SLC27A2: variants seen among roughly 807,000 people sequenced by gnomAD.
SLC27A2 encodes the protein long-chain fatty acid transport protein 2.
SLC27A2 carries 54 observed loss-of-function variants against 60.0 expected under a neutral mutation model. The ratio of observed to expected loss-of-function variants is 0.90; its 90% CI spans 0.72 to 1.13. SLC27A2 has a LOEUF of 1.13. SLC27A2 is among the 50% of genes most tolerant of loss of function. The pLI, the probability that SLC27A2 is intolerant of heterozygous loss-of-function variation, is 0.00. For synonymous variants in SLC27A2, 297 were observed against 297.6 expected (o/e 1.00, Z 0.02); for missense variants, 739 against 777.6 (o/e 0.95, Z 0.59).
intron 1 of SLC27A2, among the ~76,000 whole-genome samples, chr15:50,186,214 G>A (rs539542199): frequency 1.3e-5 from 2 of 152,014 alleles, no homozygotes; most frequent in African/African-American, 2.4e-5. Context: ...ACTACACTCC[G>A]GCCTGGGTGA....
intron 4 of SLC27A2, among the ~76,000 whole-genome samples, chr15:50,208,509 C>T (rs1290125330): frequency 6.6e-6 from 1 of 152,196 alleles, no homozygotes; most frequent in Non-Finnish European, 1.5e-5. Flanking sequence ...TATATATAAA[C>T]CACATAGTAG....
intron 4 of SLC27A2, among the ~76,000 whole-genome samples, chr15:50,220,237 G>T (rs2045233127): frequency 1.3e-5 from 2 of 152,184 alleles, no homozygotes; most frequent in African/African-American, 4.8e-5. Context: ...ACACACCCAG[G>T]GTGCCTGCGG....
chr15:50,235,547 C>T (rs2045345520), intron 9 of SLC27A2, among the ~76,000 whole-genome samples: 2 of 152,146 alleles, frequency 1.3e-5, no homozygotes, highest in African/African-American at 4.8e-5. Flanking sequence ...AATGGAGATC[C>T]TGCAAACAGA....
In SLC27A2 at chr15:50,182,705, G is replaced by C. The variant is rs751678896; in HGVS notation, c.278G>C (p.Arg93Pro). 42 of 1,613,602 alleles carry C rather than the reference G, an allele frequency of 2.6e-5. No homozygotes were observed. Among genetic ancestry groups the C allele is most frequent in the Non-Finnish European group, 3.3e-5 (39 of 1,179,908 alleles). The change falls in exon 1 of 10, where the codon CGG becomes CCG. Residue 93 changes from arginine (R) to proline (P), a missense_variant. Coordinates refer to ENST00000267842, the MANE Select transcript of SLC27A2 (RefSeq NM_003645.4). The part of the protein sequence containing the change: ...QVDRRSNQVA[R>P]ALHDHLGLRQ... ...GACCGGCGCAGCAATCAAGTGGCCC[G>C]GGCGCTGCACGACCACCTCGGCCTG... is the stretch of plus-strand genomic sequence containing the variant.
At chr15:50,216,610 G>GTATATATATATA (rs59683706) in intron 4 of SLC27A2, among the ~76,000 whole-genome samples, 1 of 66,492 alleles carries the variant, frequency 1.5e-5, no homozygotes, top group African/African-American at 5.5e-5. Context: ...GTGTGTGTGT[G>GTATATATATATA]TATATATATA....
chr15:50,208,794 C>T (rs974512996), intron 4 of SLC27A2, among the ~76,000 whole-genome samples: 15 of 152,080 alleles, frequency 9.9e-5, no homozygotes, highest in Admixed American at 3.9e-4. Context: ...GCCGTCTTCC[C>T]GCATTGTATT....
intron 7 of SLC27A2, among the ~76,000 whole-genome samples, chr15:50,228,376 C>CCAAAA: frequency 1.3e-5 from 1 of 77,282 alleles, no homozygotes; most frequent in African/African-American, 5.5e-5. Flanking sequence ...GACTCTGCCT[C>CCAAAA]AAAAAAAAAA....
chr15:50,232,714 T>G (rs1025654743), intron 8 of SLC27A2, among the ~76,000 whole-genome samples: 1 of 152,172 alleles, frequency 6.6e-6, no homozygotes, highest in African/African-American at 2.4e-5. Context: ...TAAAAGGAGC[T>G]TATTGGAGAC....
chr15:50,193,243 C>A (rs1863510), intron 1 of SLC27A2, among the ~76,000 whole-genome samples: 5,327 of 152,294 alleles, frequency 0.035, 120 homozygotes, highest in African/African-American at 0.064. Context: ...TTCTGCCCCC[C>A]ACCACCTGCT....
intron 3 of SLC27A2, among the ~76,000 whole-genome samples, chr15:50,204,284 G>T (rs956097174): frequency 6.6e-6 from 1 of 151,964 alleles, no homozygotes; most frequent in African/African-American, 2.4e-5. Flanking sequence ...GGTCAACGTG[G>T]CAAAACCCCA....
At chr15:50,224,383 T>C (rs1318880728) in intron 5 of SLC27A2, among the ~76,000 whole-genome samples, 1 of 152,042 alleles carries the variant, frequency 6.6e-6, no homozygotes, top group Non-Finnish European at 1.5e-5. Context: ...GAGCTTGCAG[T>C]GAGTCGAGAT....
At chr15:50,229,835 C>G (rs925957597) in intron 8 of SLC27A2, among the ~76,000 whole-genome samples, 4 of 152,072 alleles carry the variant, frequency 2.6e-5, no homozygotes, top group African/African-American at 9.7e-5. Flanking sequence ...TATTATTCCC[C>G]CACAACTCAT....
chr15:50,196,053 C>CAAAAAAAAAAAAAATAAAAAT (rs1567428267), intron 1 of SLC27A2, among the ~76,000 whole-genome samples: 1 of 1,820 alleles, frequency 5.5e-4, no homozygotes, highest in Non-Finnish European at 1.5e-3. Context: ...GACTCTGTCT[C>CAAAAAAAAAAAAAATAAAAAT]AAAAAAAAAA....
chr15:50,192,330 G>A (rs938757574), intron 1 of SLC27A2, among the ~76,000 whole-genome samples: 2 of 152,184 alleles, frequency 1.3e-5, no homozygotes, highest in African/African-American at 4.8e-5. Context: ...AGGAGATGGT[G>A]TAGGGCAGGG....
intron 2 of SLC27A2, among the ~76,000 whole-genome samples, chr15:50,200,269 A>C (rs972046256): frequency 1.1e-4 from 16 of 152,156 alleles, no homozygotes; most frequent in East Asian, 1.9e-4. Context: ...TCTACAAAAA[A>C]TATAAATAAA....
chr15:50,198,581 A>G (rs1028159949), intron 2 of SLC27A2: 2 of 152,140 alleles, frequency 1.3e-5, no homozygotes, highest in Non-Finnish European at 2.9e-5. Flanking sequence ...TTCGTGTGAT[A>G]GATATTTAGT....
At chr15:50,235,777 T>C (rs956343956) in intron 9 of SLC27A2, 143 bp from the exon 10 acceptor site, 2 of 565,404 alleles carry the variant, frequency 3.5e-6, no homozygotes, top group African/African-American at 3.8e-5. Context: ...GAAAACTTTA[T>C]TTTAACTTTC....
At chr15:50,235,853 C>T (rs1197778601) in intron 9 of SLC27A2, 67 bp from the exon 10 acceptor site, 2 of 1,280,688 alleles carry the variant, frequency 1.6e-6, no homozygotes, top group Admixed American at 3.8e-5. Flanking sequence ...CCCACCCCTA[C>T]CCCTTGCTCT....
chr15:50,215,487 A>G (rs1567434184), intron 4 of SLC27A2, among the ~76,000 whole-genome samples: 1 of 152,172 alleles, frequency 6.6e-6, no homozygotes, highest in South Asian at 2.1e-4. Flanking sequence ...TGGAACCAAA[A>G]AAAGAGCCCG....
Sources: allele counts gnomAD v4.1 joint callset (sites outside exome capture counted in the v4.1 genomes callset), GRCh38; gene constraint gnomAD v4.1.1; transcripts MANE v1.5; gene names NCBI Gene and HGNC (gene_info 2026-07-23, HGNC 2026-07-21).